The following KLK12 variants were observed in gnomAD, a reference collection of about 807,000 sequenced individuals.
KLK12 encodes kallikrein-12.
A neutral mutation model predicts 20.0 loss-of-function variants in KLK12; 23 were observed. The observed-to-expected ratio is 1.15, with a 90% CI of 0.83 to 1.63. The LOEUF (loss-of-function observed/expected upper bound fraction) is 1.63, where lower values mean the gene tolerates loss of function less well. KLK12 is among the 40% of genes most tolerant of loss of function. The probability of loss-of-function intolerance (pLI) is 0.00; values close to 1 mark genes in which losing one functional copy is unlikely to be tolerated. For synonymous variants in KLK12, 147 were observed against 141.9 expected (o/e 1.04, Z -0.25); for missense variants, 351 against 338.6 (o/e 1.04, Z -0.29).
Position 51,029,449 on chromosome 19 carries a change from A to G in KLK12, c.600T>C (p.Ser200=). 1 of 1,610,558 alleles carries G rather than the reference A, an allele frequency of 6.2e-7. No homozygotes were observed. The highest frequency in any genetic ancestry group is 1.3e-5 in the African/African-American group (1 of 74,988). ...CTCCCCCACACACCAGGGGGCCCCC[A>G]GAATCACCCTGGAAGGGAAGAGAAG... ...VPGQDACQGD[S]GGPLVCGGVL... is the part of the protein sequence containing the mutation. Residue 200 remains serine (S), a synonymous_variant, in exon 6 of 6, where the codon TCT becomes TCC. Coordinates refer to ENST00000684732, the MANE Select transcript of KLK12 (RefSeq NM_001370125.1).
At position 51,032,150 on chromosome 19, in the gene KLK12, G is replaced by T. The variant is rs763020336; in HGVS notation, c.198-15C>A. 3 of 1,588,760 alleles carry T rather than the reference G, an allele frequency of 1.9e-6. No homozygotes were observed. Among genetic ancestry groups the T allele is most frequent in the Admixed American group, 1.7e-5 (1 of 58,282 alleles). On this transcript the variant is annotated splice_polypyrimidine_tract_variant and intron_variant, in intron 3 of 5. Coordinates refer to ENST00000684732, the MANE Select transcript of KLK12 (RefSeq NM_001370125.1). ...CCCAGTACCTGCTGCCGGTGGCGAC[G>T]GCTGAGCGGGTGGCAGGCACGCAGT...
Position 51,030,830 on chromosome 19 carries a change from G to A in KLK12, c.549C>T (p.Asn183=), listed in dbSNP as rs780881428. The A allele has an allele frequency of 1.2e-6, 2 of 1,614,140 alleles. No homozygotes were observed. Among genetic ancestry groups the A allele is most frequent in the Non-Finnish European group, 8.5e-7 (1 of 1,180,032 alleles). Residue 183 remains asparagine, a synonymous_variant, in exon 5 of 6, where the codon AAC becomes AAT. Transcript: ENST00000684732. ...CCGGGACGCCGCCTGCACACACCAT[G>A]TTGCTCGTGATTCTCCCGGGATACA... ...HGVYPGRITS[N]MVCAGGVPGQ...
chr19:51,033,085 G>A (rs1239457557), intron 3 of KLK12, among the ~76,000 whole-genome samples: 2 of 151,554 alleles, frequency 1.3e-5, no homozygotes, highest in Non-Finnish European at 2.9e-5. Flanking sequence ...GTGTGGTGGC[G>A]CAGGCCTGTA....
At chr19:51,032,250 C>G in intron 3 of KLK12, 115 bp from the exon 4 acceptor site, 1 of 1,185,526 alleles carries the variant, frequency 8.4e-7, no homozygotes, top group Non-Finnish European at 1.2e-6. Context: ...CACTGTCTGT[C>G]CTCTCACCCG....
In KLK12 at chr19:51,034,432, G is replaced by A. The variant is rs1040187422; in HGVS notation, c.37+153C>T. The A allele has an allele frequency of 6.1e-6, 9 of 1,482,972 alleles. No homozygotes were observed. In the African/African-American group the frequency reaches 1.3e-4, roughly 21 times the overall value. 91.9% of individuals were successfully genotyped at this position (1,482,972 alleles called of 1,614,324 possible). Reference sequence around the variant, plus strand: ...GACCGAGGTGAGCAGTACCCTGAGAGCTGCAGGTAAATGGAGGCACAGAGA... The same window carrying A: ...GACCGAGGTGAGCAGTACCCTGAGAACTGCAGGTAAATGGAGGCACAGAGA... On this transcript the variant is annotated intron_variant, in intron 2 of 5. Coordinates refer to ENST00000684732, the MANE Select transcript of KLK12 (RefSeq NM_001370125.1).
chr19:51,033,946 G>A (rs1279041232), intron 3 of KLK12, 34 bp downstream of exon 3: 1 of 1,600,072 alleles, frequency 6.2e-7, no homozygotes, highest in Admixed American at 1.7e-5. Context: ...CCTTCCCATA[G>A]TCCTCCCTTC....
chr19:51,031,680 C>T, intron 4 of KLK12, 196 bp downstream of exon 4: 1 of 700,006 alleles, frequency 1.4e-6, no homozygotes, highest in Non-Finnish European at 2.5e-6. Context: ...GACTTCATAC[C>T]CAGTCCTTTA....
At position 51,034,920 on chromosome 19, in the gene KLK12, C is replaced by T; in HGVS notation, c.-134G>A. 7.7e-7 allele frequency: 1 copy of T among 1,298,954 alleles called. No homozygotes were observed. Among genetic ancestry groups the T allele is most frequent in the Non-Finnish European group, 9.8e-7 (1 of 1,015,356 alleles). The allele number at this position is 1,298,954 out of a possible 1,614,324, so 80.5% of individuals were successfully genotyped here. A position where few individuals can be genotyped will look rare whatever the true frequency, so the allele number is the denominator to read the frequency against. ...GTCTTCTCATGTGCTGGCCACTCCG[C>T]CAGCCAACTCTACCACTCTGCACCT... On this transcript the variant is annotated 5_prime_UTR_variant, in exon 1 of 6. It introduces an in-frame stop codon into an upstream open reading frame of the 5' UTR. Transcript: ENST00000684732.
At chr19:51,034,346 G>A in intron 2 of KLK12, 2 of 1,236,400 alleles carry the variant, frequency 1.6e-6, no homozygotes, top group South Asian at 1.6e-5. Flanking sequence ...ACATAGGAGG[G>A]AAATGGAGAG....
intron 3 of KLK12, 59 bp downstream of exon 3, chr19:51,033,921 T>C: frequency 6.6e-7 from 1 of 1,525,124 alleles, no homozygotes; most frequent in Non-Finnish European, 9.0e-7. Flanking sequence ...CTTGTGATCC[T>C]ACCCCCAGCG....
chr19:51,030,320 C>CATTATTATTATTATTATT (rs143678001), intron 5 of KLK12, among the ~76,000 whole-genome samples: 11 of 134,684 alleles, frequency 8.2e-5, no homozygotes, highest in South Asian at 2.5e-4. Context: ...GCCTCTCCTC[C>CATTATTATTATTATTATT]ATTATTATTA....
chr19:51,030,390 C>A (rs1374737211), intron 5 of KLK12, among the ~76,000 whole-genome samples: 1 of 151,054 alleles, frequency 6.6e-6, no homozygotes, highest in African/African-American at 2.4e-5. Flanking sequence ...GGCTCTGTCG[C>A]CCAGGCTGGA....
At chr19:51,033,820 C>T in intron 3 of KLK12, 160 bp downstream of exon 3, 2 of 791,266 alleles carry the variant, frequency 2.5e-6, no homozygotes, top group Non-Finnish European at 4.3e-6. Context: ...CAGCACCACC[C>T]CAGGCCCACT....
chr19:51,033,837 G>T, intron 3 of KLK12, 143 bp downstream of exon 3: 2 of 889,264 alleles, frequency 2.2e-6, no homozygotes, highest in Non-Finnish European at 1.8e-6. Context: ...CACTGCTAAG[G>T]AAGTTCCACT....
chr19:51,034,457 A>T (rs1348696773), intron 2 of KLK12, 128 bp downstream of exon 2: 1 of 1,507,102 alleles, frequency 6.6e-7, no homozygotes, highest in South Asian at 1.3e-5. Flanking sequence ...AGGCACAGAG[A>T]AAGCCCCTCT....
rs1285319837 is a variant in KLK12, at chr19:51,032,136, C to T, written c.198-1G>A. The T allele has an allele frequency of 1.9e-6, 3 of 1,597,516 alleles. No individual in the cohort carries two copies. In the African/African-American group the frequency reaches 4.0e-5, roughly 21 times the overall value. On this transcript the variant is annotated splice_acceptor_variant, in intron 3 of 5. Transcript: ENST00000684732. LOFTEE classifies it high-confidence loss of function. ...TTCCCCCAGGCGCACCCAGTACCTGCTGCCGGTGGCGACGGCTGAGCGGGT... is the reference window on the plus strand; with the variant it reads ...TTCCCCCAGGCGCACCCAGTACCTGTTGCCGGTGGCGACGGCTGAGCGGGT...
Position 51,034,625 on chromosome 19 carries a change from G to A in KLK12, c.-4C>T, listed in dbSNP as rs763571662. The A allele has an allele frequency of 8.7e-6, 14 of 1,605,066 alleles. No individual in the cohort carries two copies. The Admixed American group carries it at 2.4e-4, about 27-fold the overall frequency. ...GCAAAAAGATGCTGAGCCCCATGGTGGGTCACTTCCAAAGTCTGGGGGAAA... is the reference window on the plus strand; with the variant it reads ...GCAAAAAGATGCTGAGCCCCATGGTAGGTCACTTCCAAAGTCTGGGGGAAA... On this transcript the variant is annotated 5_prime_UTR_variant, in exon 2 of 6. Coordinates refer to ENST00000684732, the MANE Select transcript of KLK12 (RefSeq NM_001370125.1).
Position 51,034,573 on chromosome 19 carries a change from G to A in KLK12, c.37+12C>T, listed in dbSNP as rs377529018. 12 of 1,609,686 alleles carry A rather than the reference G, an allele frequency of 7.5e-6. No homozygotes were observed. The highest frequency in any genetic ancestry group is 1.7e-4 in the Middle Eastern group (1 of 5,924). On this transcript the variant is annotated intron_variant, in intron 2 of 5. Transcript: ENST00000684732. ...CGCAGTCCTGCCCTCTCCCTGCTCC[G>A]GGAGAACTCACCAAGAACACACAGG...
intron 3 of KLK12, among the ~76,000 whole-genome samples, chr19:51,033,169 T>C (rs976849620): frequency 1.2e-4 from 18 of 145,474 alleles, no homozygotes; most frequent in African/African-American, 2.8e-4. Flanking sequence ...TGAGCCAAGA[T>C]AGCATCACTG....
Sources: allele counts gnomAD v4.1 joint callset (sites outside exome capture counted in the v4.1 genomes callset), GRCh38; gene constraint gnomAD v4.1.1; transcripts MANE v1.5; gene names NCBI Gene and HGNC (gene_info 2026-07-23, HGNC 2026-07-21).